The following PGA5 variants were observed in gnomAD, a reference collection of about 807,000 sequenced individuals.
PGA5 encodes the protein pepsinogen A5.
In PGA5, 19 loss-of-function variants were observed where a neutral mutation model predicts 15.9. The observed-to-expected ratio is 1.19, with a 90% CI of 0.83 to 1.75. The LOEUF (loss-of-function observed/expected upper bound fraction) is 1.75, where lower values mean the gene tolerates loss of function less well. PGA5 is among the 40% of genes most tolerant of loss of function. PGA5 has a pLI of 0.00. For missense variants in PGA5, 224 were observed against 246.4 expected (o/e 0.91, Z 0.61); for synonymous variants, 92 against 95.8 (o/e 0.96, Z 0.23).
intron 8 of PGA5, among the ~76,000 whole-genome samples, chr11:61,250,318 G>A (rs576911903): frequency 0.035 from 5,306 of 150,836 alleles, 127 homozygotes; most frequent in Non-Finnish European, 0.053. Context: ...TTCTGAACAA[G>A]CTACAGCTCA....
chr11:61,249,541 G>A (rs1854109461), intron 6 of PGA5, 128 bp from the exon 7 acceptor site: 3 of 1,537,138 alleles, frequency 2.0e-6, no homozygotes, highest in South Asian at 1.1e-5. Flanking sequence ...GTGAACGAGA[G>A]GAACAGAAAT....
At chr11:61,249,377 T>G in intron 6 of PGA5, 1 of 545,382 alleles carries the variant, frequency 1.8e-6, no homozygotes, top group Non-Finnish European at 3.3e-6. Context: ...CTTGCCCTTC[T>G]GCCAACATAA....
Position 61,251,228 on chromosome 11 carries a change from T to C in PGA5, c.1114T>C (p.Phe372Leu). 1 of 1,611,876 alleles carries C rather than the reference T, an allele frequency of 6.2e-7. No individual in the cohort carries two copies. Among genetic ancestry groups the C allele is most frequent in the East Asian group, 2.2e-5 (1 of 44,878 alleles). The change falls in exon 9 of 9, where the codon TTT (phenylalanine) becomes CTT (leucine). Residue 372 changes from phenylalanine to leucine, a missense_variant. Transcript: ENST00000312403. ...GGGTGATGTCTTCATCCGCCAGTAC[T>C]TTACCGTCTTCGACAGGGCAAACAA... Reference protein sequence around the residue: ...ILGDVFIRQYFTVFDRANNQV... With the variant: ...ILGDVFIRQYLTVFDRANNQV...
At chr11:61,250,390 C>T (rs1020821814) in intron 8 of PGA5, among the ~76,000 whole-genome samples, 9 of 151,464 alleles carry the variant, frequency 5.9e-5, no homozygotes, top group Non-Finnish European at 8.8e-5. Context: ...CCTCAGAGTG[C>T]GGTTAGGTCA....
At chr11:61,245,527 ACTTCTCT>A in intron 4 of PGA5, 1 of 4,386 alleles carries the variant, frequency 2.3e-4, no homozygotes, top group Admixed American at 7.6e-4. Context: ...GTAAAGGCTC[ACTTCTCT>A]ACTAGCACCT....
At chr11:61,246,995 G>A (rs1854073125) in intron 5 of PGA5, among the ~76,000 whole-genome samples, 1 of 151,976 alleles carries the variant, frequency 6.6e-6, no homozygotes, top group South Asian at 2.1e-4. Flanking sequence ...ACAAACAAAT[G>A]AACAAAGAAT....
Position 61,246,685 on chromosome 11 carries a change from G to C in PGA5, c.656+540G>C, listed in dbSNP as rs139422910. On this transcript the variant is annotated intron_variant, in intron 5 of 8. Coordinates refer to ENST00000312403, the MANE Select transcript of PGA5 (RefSeq NM_014224.5). ...GGCTGAGGCAGGGAGAATCGCTTGA[G>C]CCTGGGAGGCATAGGTTGCAGTGAA... Among the ~76,000 whole-genome samples the C allele has an allele frequency of 3.3e-3, 506 of 151,954 alleles. 4 individuals carry two copies. The highest frequency in any genetic ancestry group is 0.024 in the South Asian group (114 of 4,822).
At chr11:61,246,761 C>G (rs569116089) in intron 5 of PGA5, among the ~76,000 whole-genome samples, 38 of 65,268 alleles carry the variant, frequency 5.8e-4, no homozygotes, top group African/African-American at 2.6e-3. Context: ...AAGACTCCAT[C>G]TCAATAAATA....
chr11:61,251,286 A>G lies in PGA5; in HGVS notation c.*5A>G, dbSNP rs1175692434. On this transcript the variant is annotated 3_prime_UTR_variant, in exon 9 of 9. Coordinates refer to ENST00000312403, the MANE Select transcript of PGA5 (RefSeq NM_014224.5). ...GGCCTGGCCCCTGTGGCTTAAGCCTAAGTCTCTTCAGCCACCTCCCAGGAA... is the reference window on the plus strand; with the variant it reads ...GGCCTGGCCCCTGTGGCTTAAGCCTGAGTCTCTTCAGCCACCTCCCAGGAA... 1 of 1,611,672 alleles carries G rather than the reference A, an allele frequency of 6.2e-7. No homozygotes were observed. The highest frequency in any genetic ancestry group is 1.3e-5 in the African/African-American group (1 of 74,696).
At chr11:61,248,745 G>A (rs543956262) in intron 6 of PGA5, among the ~76,000 whole-genome samples, 5 of 152,178 alleles carry the variant, frequency 3.3e-5, no homozygotes, top group African/African-American at 4.8e-5. Flanking sequence ...CTGGGAAGCT[G>A]AGACTCTGCA....
At position 61,249,678 on chromosome 11, in the gene PGA5, G is replaced by A. The variant is rs539466850; in HGVS notation, c.783G>A (p.Met261Ile). 9.9e-6 allele frequency: 16 copies of A among 1,613,562 alleles called. No homozygotes were observed. The highest frequency in any genetic ancestry group is 1.3e-5 in the Non-Finnish European group (15 of 1,179,840). Residue 261 changes from methionine to isoleucine, a missense_variant, in exon 7 of 9, where the codon ATG becomes ATA. Transcript: ENST00000312403. Reference protein sequence around the residue: ...YWQITVDSITMNGETIACAEG... With the variant: ...YWQITVDSITINGETIACAEG... ...TGCTTCTTACCCTCAGCATCACCAT[G>A]AACGGAGAGACCATCGCCTGTGCTG...
rs759438027 is a variant in PGA5 at position 61,249,796 on chromosome 11, G to A, written c.901G>A (p.Glu301Lys). The A allele has an allele frequency of 3.0e-5, 49 of 1,613,498 alleles. 1 individual carries two copies. The highest frequency in any genetic ancestry group is 7.7e-5 in the South Asian group (7 of 91,060). The change falls in exon 7 of 9, where the codon GAG (glutamate) becomes AAG (lysine). Residue 301 changes from glutamate to lysine, a missense_variant. Coordinates refer to ENST00000312403, the MANE Select transcript of PGA5 (RefSeq NM_014224.5). ...CATCCAGAGCGACATCGGAGCCAGC[G>A]AGAACTCAGATGGCGACGTGAGTCC... ...ANIQSDIGASENSDGDMVVSC... is the reference protein window; with the variant it reads ...ANIQSDIGASKNSDGDMVVSC...
chr11:61,246,274 A>G (rs1273712399), intron 5 of PGA5, 129 bp downstream of exon 5: 3 of 237,166 alleles, frequency 1.3e-5, no homozygotes, highest in Non-Finnish European at 2.5e-5. Flanking sequence ...TTGAAAGTCA[A>G]TGTCTGAGGC....
rs1197498686 is a variant in PGA5 at position 61,250,454 on chromosome 11, C to G, written c.1017+440C>G. 2.6e-5 allele frequency among the ~76,000 whole-genome samples: 4 copies of G among 151,446 alleles called. 1 individual carries two copies. Among genetic ancestry groups the G allele is most frequent in the African/African-American group, 9.8e-5 (4 of 40,856 alleles). On this transcript the variant is annotated intron_variant, in intron 8 of 8. Coordinates refer to ENST00000312403, the MANE Select transcript of PGA5 (RefSeq NM_014224.5). ...ACCAAGGGTTGGGCAAATGGAAATC[C>G]TAATTTCCATAGGCTGGGGCTTCCA...
rs1171260457 is a variant in PGA5, at chr11:61,249,658, C to T, written c.774-11C>T. On this transcript the variant is annotated splice_polypyrimidine_tract_variant and intron_variant, in intron 6 of 8. Transcript: ENST00000312403. ...AGGGCTCAGGGAGCTTAACTTGCTT[C>T]TTACCCTCAGCATCACCATGAACGG... 2 of 1,613,584 alleles carry T rather than the reference C, an allele frequency of 1.2e-6. No individual in the cohort carries two copies. The highest frequency in any genetic ancestry group is 1.7e-6 in the Non-Finnish European group (2 of 1,179,844).
At position 61,251,377 on chromosome 11, in the gene PGA5, A is replaced by T; in HGVS notation, c.*96A>T. 6.3e-7 allele frequency: 1 copy of T among 1,587,860 alleles called. No homozygotes were observed. The highest frequency in any genetic ancestry group is 1.1e-5 in the South Asian group (1 of 87,160). On this transcript the variant is annotated 3_prime_UTR_variant, in exon 9 of 9. Coordinates refer to ENST00000312403, the MANE Select transcript of PGA5 (RefSeq NM_014224.5). ...TTCTCCTGACTGTTCTTCCCAGGGG[A>T]GTGTGAAGGTCTTGGCCCTGTTCCC...
chr11:61,249,774 C>G lies in PGA5; in HGVS notation c.879C>G (p.Ile293Met), dbSNP rs1565210196. 1.9e-6 allele frequency: 3 copies of G among 1,613,684 alleles called. No individual in the cohort carries two copies. The highest frequency in any genetic ancestry group is 2.2e-5 in the East Asian group (1 of 44,878). ...LTGPTSPIANIQSDIGASENS... is the reference protein window; with the variant it reads ...LTGPTSPIANMQSDIGASENS... Reference sequence around the variant, plus strand: ...GCCCAACCAGCCCCATTGCCAACATCCAGAGCGACATCGGAGCCAGCGAGA... The same window carrying G: ...GCCCAACCAGCCCCATTGCCAACATGCAGAGCGACATCGGAGCCAGCGAGA... Residue 293 changes from isoleucine (I) to methionine (M), a missense_variant, in exon 7 of 9, where the codon ATC becomes ATG. Ile to Met is a conservative substitution (Grantham distance 10). Coordinates refer to ENST00000312403, the MANE Select transcript of PGA5 (RefSeq NM_014224.5).
chr11:61,245,665 G>A, intron 4 of PGA5: 3 of 16,644 alleles, frequency 1.8e-4, no homozygotes, highest in East Asian at 1.5e-3. Flanking sequence ...TCTGCTTTGC[G>A]TTTGTTCATC....
chr11:61,249,489 G>A (rs1854108536), intron 6 of PGA5, 180 bp from the exon 7 acceptor site: 1 of 1,234,904 alleles, frequency 8.1e-7, no homozygotes, highest in Non-Finnish European at 1.1e-6. Flanking sequence ...TAGGCACTTG[G>A]GAAATATTTG....
Sources: allele counts gnomAD v4.1 joint callset (sites outside exome capture counted in the v4.1 genomes callset), GRCh38; gene constraint gnomAD v4.1.1; transcripts MANE v1.5; gene names NCBI Gene and HGNC (gene_info 2026-07-23, HGNC 2026-07-21).